The following PTPRK variants were observed in gnomAD, a reference collection of about 807,000 sequenced individuals.
PTPRK encodes the protein receptor-type tyrosine-protein phosphatase kappa.
Under a neutral mutation model 178.0 loss-of-function variants are expected in PTPRK, and 75 were observed. The ratio of observed to expected loss-of-function variants is 0.42; its 90% CI spans 0.35 to 0.51. The LOEUF (loss-of-function observed/expected upper bound fraction) is 0.51, where lower values mean the gene tolerates loss of function less well. Ranked by LOEUF, PTPRK falls within the 20% of genes least tolerant of loss-of-function variation. The pLI, the probability that PTPRK is intolerant of heterozygous loss-of-function variation, is 0.02. For synonymous variants in PTPRK, 637 were observed against 620.6 expected (o/e 1.03, Z -0.39); for missense variants, 1,441 against 1,797.8 (o/e 0.80, Z 3.59).
intron 3 of PTPRK, among the ~76,000 whole-genome samples, chr6:128,246,186 C>T (rs1230596790): frequency 2.0e-5 from 3 of 151,910 alleles, no homozygotes; most frequent in Admixed American, 1.3e-4. Flanking sequence ...TTTTTGAAAA[C>T]AATGACATTC....
chr6:128,463,741 G>GTTTTTTTTTT (rs896710320), intron 1 of PTPRK, among the ~76,000 whole-genome samples: 1 of 96,868 alleles, frequency 1.0e-5, no homozygotes, highest in African/African-American at 4.5e-5. Context: ...AATCTTCACG[G>GTTTTTTTTTT]TTTTTTTTTT....
intron 11 of PTPRK, among the ~76,000 whole-genome samples, chr6:128,068,901 C>T (rs1782305581): frequency 6.6e-6 from 1 of 150,730 alleles, no homozygotes; most frequent in Admixed American, 6.6e-5. Flanking sequence ...CTTTAAAAGA[C>T]TTCCATGAAA....
At chr6:128,140,774 C>T (rs908132365) in intron 7 of PTPRK, among the ~76,000 whole-genome samples, 1 of 151,856 alleles carries the variant, frequency 6.6e-6, no homozygotes, top group Non-Finnish European at 1.5e-5. Context: ...TCACACTAGA[C>T]AATACTTTTA....
chr6:128,421,097 T>C (rs1312638950), intron 1 of PTPRK, among the ~76,000 whole-genome samples: 1 of 152,240 alleles, frequency 6.6e-6, no homozygotes, highest in Non-Finnish European at 1.5e-5. Flanking sequence ...AAAATCAACA[T>C]TGATCAAATC....
chr6:128,252,639 G>T (rs900835186), intron 3 of PTPRK, among the ~76,000 whole-genome samples: 2 of 152,078 alleles, frequency 1.3e-5, no homozygotes, highest in Non-Finnish European at 2.9e-5. Context: ...TTCTCAAGAA[G>T]GTTTTGACAT....
At chr6:128,380,539 TACACAC>T (rs59409813) in intron 2 of PTPRK, among the ~76,000 whole-genome samples, 1 of 145,984 alleles carries the variant, frequency 6.9e-6, no homozygotes, top group Admixed American at 6.8e-5. Context: ...CACACAGACA[TACACAC>T]ACACACACGT....
chr6:128,279,254 T>C (rs1269515566), intron 3 of PTPRK, among the ~76,000 whole-genome samples: 1 of 151,114 alleles, frequency 6.6e-6, no homozygotes, highest in African/African-American at 2.4e-5. Context: ...GTTTAGCATG[T>C]ATGCCTGTTC....
At chr6:128,126,097 C>A (rs1793323639) in intron 7 of PTPRK, among the ~76,000 whole-genome samples, 1 of 150,816 alleles carries the variant, frequency 6.6e-6, no homozygotes, top group Non-Finnish European at 1.5e-5. Flanking sequence ...ATGTGCAGAA[C>A]ATGCAGGTTT....
At chr6:128,390,056 T>A (rs1839334173) in intron 2 of PTPRK, among the ~76,000 whole-genome samples, 1 of 152,144 alleles carries the variant, frequency 6.6e-6, no homozygotes, top group African/African-American at 2.4e-5. Context: ...ATCTTCTCTG[T>A]GCAGAGGGCA....
At chr6:128,391,310 A>T (rs1422251938) in intron 2 of PTPRK, among the ~76,000 whole-genome samples, 3 of 152,080 alleles carry the variant, frequency 2.0e-5, no homozygotes, top group Non-Finnish European at 4.4e-5. Context: ...CATTACCACC[A>T]AATCTCTCAG....
intron 2 of PTPRK, chr6:128,340,848 T>A: frequency 2.3e-6 from 1 of 434,732 alleles, no homozygotes; most frequent in South Asian, 1.8e-5. Context: ...TCATCATAAT[T>A]TTTGTTATTT....
chr6:128,227,234 C>T (rs879669804), intron 5 of PTPRK, among the ~76,000 whole-genome samples: 8 of 152,014 alleles, frequency 5.3e-5, no homozygotes, highest in African/African-American at 1.9e-4. Flanking sequence ...AAAGTGGAAA[C>T]GTGATGCATA....
At chr6:128,248,413 T>G (rs1404523460) in intron 3 of PTPRK, among the ~76,000 whole-genome samples, 1 of 152,124 alleles carries the variant, frequency 6.6e-6, no homozygotes, top group Non-Finnish European at 1.5e-5. Context: ...TGCCCTATAC[T>G]TTCAACTCTG....
intron 3 of PTPRK, among the ~76,000 whole-genome samples, chr6:128,274,063 C>G (rs1275917083): frequency 6.6e-6 from 1 of 151,884 alleles, no homozygotes; most frequent in Non-Finnish European, 1.5e-5. Context: ...GATCAAGACT[C>G]TGTTATGCAA....
intron 2 of PTPRK, among the ~76,000 whole-genome samples, chr6:128,322,667 A>AATATATATATATATATATAT (rs10651820): frequency 6.3e-5 from 9 of 143,796 alleles, no homozygotes; most frequent in Non-Finnish European, 1.1e-4. Flanking sequence ...CTTTTAATAT[A>AATATATATATATATATATAT]ATATATATAT....
intron 3 of PTPRK, among the ~76,000 whole-genome samples, chr6:128,248,327 C>T (rs1055908030): frequency 2.0e-5 from 3 of 152,126 alleles, no homozygotes; most frequent in Non-Finnish European, 4.4e-5. Context: ...AACATCATCA[C>T]ATAAAATTGA....
chr6:128,208,436 T>C (rs1232719974), intron 6 of PTPRK, among the ~76,000 whole-genome samples: 3 of 152,126 alleles, frequency 2.0e-5, no homozygotes, highest in Non-Finnish European at 4.4e-5. Flanking sequence ...GCTTTATTTC[T>C]ATGAAGTAAA....
intron 2 of PTPRK, among the ~76,000 whole-genome samples, chr6:128,371,889 AAGAG>A (rs1322062336): frequency 4.6e-5 from 7 of 150,766 alleles, no homozygotes; most frequent in African/African-American, 1.7e-4. Context: ...AAAAAAAAAA[AAGAG>A]AGAGAGAGAG....
chr6:128,438,610 G>A (rs59893653), intron 1 of PTPRK, among the ~76,000 whole-genome samples: 15,712 of 152,146 alleles, frequency 0.1, 1,214 homozygotes, highest in African/African-American at 0.22. Context: ...AAGAGCTGTT[G>A]TGCACCTCAG....
Sources: allele counts gnomAD v4.1 joint callset (sites outside exome capture counted in the v4.1 genomes callset), GRCh38; gene constraint gnomAD v4.1.1; transcripts MANE v1.5; gene names NCBI Gene and HGNC (gene_info 2026-07-23, HGNC 2026-07-21).